Variants in AGRN observed in about 807,000 individuals in gnomAD.
The protein encoded by AGRN is agrin proteoglycan.
A neutral mutation model predicts 211.0 loss-of-function variants in AGRN; 106 were observed. The ratio of observed to expected loss-of-function variants is 0.50; its 90% confidence interval spans 0.43 to 0.59. The LOEUF (loss-of-function observed/expected upper bound fraction) is 0.59, where lower values mean the gene tolerates loss of function less well. Among genes scored for constraint, AGRN ranks in the 20% least tolerant of loss-of-function variants. The pLI, the probability that AGRN is intolerant of heterozygous loss-of-function variation, is 0.00. For synonymous variants in AGRN, 1,525 were observed against 1,332.5 expected (o/e 1.14, Z -3.15); for missense variants, 3,040 against 2,982.6 (o/e 1.02, Z -0.45).
At position 1,035,456 on chromosome 1, in the gene AGRN, G is replaced by A. The variant is rs112116228; in HGVS notation, c.511+132G>A. On this transcript the variant is annotated intron_variant, in intron 3 of 35. Coordinates refer to ENST00000379370, the MANE Select transcript of AGRN (RefSeq NM_198576.4). ...GAGGAGGCTGGACAAGGGCACCTGC[G>A]TCTGTCCTGGGAGTCCGCAGCGGTG... 0.01 allele frequency: 12,892 copies of A among 1,262,540 alleles called. 765 individuals carry two copies. In the African/African-American group the frequency reaches 0.15, roughly 15 times the overall value. The allele number at this position is 1,262,540 out of a possible 1,614,324, so 78.2% of individuals were successfully genotyped here.
At chr1:1,037,114 G>C (rs1469594201) in intron 3 of AGRN, among the ~76,000 whole-genome samples, 1 of 152,186 alleles carries the variant, frequency 6.6e-6, no homozygotes, top group African/African-American at 2.4e-5. Context: ...AGTGGGCTGG[G>C]TCCTGGGGAG....
chr1:1,039,413 G>GGGT (rs1288736626), intron 3 of AGRN, among the ~76,000 whole-genome samples: 3 of 151,710 alleles, frequency 2.0e-5, no homozygotes, highest in Non-Finnish European at 4.4e-5. Context: ...CTTGGAGATG[G>GGGT]GGGGGGTTCC....
chr1:1,041,071 G>A (rs1284811663), intron 4 of AGRN, 102 bp from the exon 5 acceptor site: 2 of 691,874 alleles, frequency 2.9e-6, no homozygotes, highest in Admixed American at 5.4e-5. Flanking sequence ...GCCCGGCGGG[G>A]AGGAGCGGGG....
chr1:1,035,177 G>A (rs897156502), intron 2 of AGRN, 100 bp from the exon 3 acceptor site: 16 of 1,238,122 alleles, frequency 1.3e-5, no homozygotes, highest in Middle Eastern at 5.3e-4. Flanking sequence ...GGTGGGGGGG[G>A]GGGGGTGGGC....
chr1:1,020,399 C>T (rs755191677), intron 1 of AGRN, 26 bp downstream of exon 1: 1 of 1,486,980 alleles, frequency 6.7e-7, no homozygotes, highest in South Asian at 1.3e-5. Flanking sequence ...CCCCGGCCTC[C>T]CCTCGCGACG....
Position 1,043,808 on chromosome 1 carries a change from C to A in AGRN, c.1799-15C>A. On this transcript the variant is annotated splice_polypyrimidine_tract_variant and intron_variant, in intron 9 of 35. Coordinates refer to ENST00000379370, the MANE Select transcript of AGRN (RefSeq NM_198576.4). Reference sequence around the variant, plus strand: ...CCTGGGCCTGCCGACCCCTGCCTGGCTCTGTCTCCTGCAGAGACCTGTGGA... The same window carrying A: ...CCTGGGCCTGCCGACCCCTGCCTGGATCTGTCTCCTGCAGAGACCTGTGGA... 1 of 1,609,936 alleles carries A rather than the reference C, an allele frequency of 6.2e-7. No individual in the cohort carries two copies.
rs141814599 is a variant in AGRN, at chr1:1,027,225, C to T, written c.463+4763C>T. 7.9e-5 allele frequency among the ~76,000 whole-genome samples: 12 copies of T among 152,312 alleles called. No individual in the cohort carries two copies. In the East Asian group the frequency reaches 2.1e-3, roughly 27 times the overall value. ...CGGCTGTTTCCAGCTGTGTGGCCTGCGTGTGTGCATGTGTTTGTGTGTGTG... is the reference window on the plus strand; with the variant it reads ...CGGCTGTTTCCAGCTGTGTGGCCTGTGTGTGTGCATGTGTTTGTGTGTGTG... On this transcript the variant is annotated intron_variant, in intron 2 of 35. Transcript: ENST00000379370.
intron 30 of AGRN, 58 bp downstream of exon 30, chr1:1,050,895 G>C (rs907447479): frequency 8.4e-5 from 127 of 1,519,590 alleles, no homozygotes; most frequent in Non-Finnish European, 1.1e-4. Flanking sequence ...CTCCTCGGGC[G>C]GCAGCCCCGC....
At position 1,045,393 on chromosome 1, in the gene AGRN, C is replaced by G. The variant is rs75774767; in HGVS notation, c.2406C>G (p.Gly802=). The stretch of plus-strand genomic sequence containing the variant: ...AGTGCAACCCCCATGGCTCTTACGG[C>G]GGCACCTGTGACCCAGCCACAGGCC... The part of the protein sequence containing the change: ...ACQCNPHGSY[G]GTCDPATGQC... Residue 802 remains glycine, a synonymous_variant, in exon 14 of 36, where the codon GGC becomes GGG. Transcript: ENST00000379370. 6.2e-7 allele frequency: 1 copy of G among 1,610,942 alleles called. No homozygotes were observed. The highest frequency in any genetic ancestry group is 1.7e-5 in the Admixed American group (1 of 60,006).
intron 2 of AGRN, among the ~76,000 whole-genome samples, chr1:1,030,432 C>G (rs1644638693): frequency 2.1e-5 from 1 of 47,846 alleles, no homozygotes. Context: ...TGTGTGTGTG[C>G]AGTGCATGGT....
intron 2 of AGRN, among the ~76,000 whole-genome samples, chr1:1,028,320 G>GCACCCCCCCCCCCCCCCC (rs779617012): frequency 9.5e-6 from 1 of 105,092 alleles, no homozygotes; most frequent in Non-Finnish European, 1.9e-5. Context: ...GTGGGGAAAC[G>GCACCCCCCCCCCCCCCCC]CCCCCCCCCC....
In AGRN at chr1:1,050,292, G is replaced by C. The variant is rs1404128392; in HGVS notation, c.4939G>C (p.Glu1647Gln). The change falls in exon 28 of 36, where the codon GAG becomes CAG. Residue 1647 changes from glutamate (E) to glutamine (Q), a missense_variant. Around this residue, in one of 3 missense-constraint regions of AGRN, gnomAD observed 1,537 missense variants for 1,505.0 expected, o/e 1.02. Coordinates refer to ENST00000379370, the MANE Select transcript of AGRN (RefSeq NM_198576.4). ...LADFNGFSHL[E>Q]LRGLHTFARD... is the part of the protein sequence containing the mutation. Reference sequence around the variant, plus strand: ...TGACTTCAACGGCTTCTCCCACCTGGAGCTGAGAGGCCTGCACACCTTTGC... The same window carrying C: ...TGACTTCAACGGCTTCTCCCACCTGCAGCTGAGAGGCCTGCACACCTTTGC... The C allele has an allele frequency of 2.5e-6, 4 of 1,613,022 alleles. No homozygotes were observed.
Position 1,046,687 on chromosome 1 carries a change from G to A in AGRN, c.3202G>A (p.Asp1068Asn), listed in dbSNP as rs1184005927. The A allele has an allele frequency of 5.7e-6, 9 of 1,586,450 alleles. No individual in the cohort carries two copies. The highest frequency in any genetic ancestry group is 1.3e-5 in the African/African-American group (1 of 74,758). ...GESGSTDGSSDEELSGDQEAS... is the reference protein window; with the variant it reads ...GESGSTDGSSNEELSGDQEAS... Reference sequence around the variant, plus strand: ...ATCTGGCAGCACTGATGGAAGCAGCGATGAGGAACTGAGCGGGGACCAGGA... The same window carrying A: ...ATCTGGCAGCACTGATGGAAGCAGCAATGAGGAACTGAGCGGGGACCAGGA... The change falls in exon 18 of 36, where the codon GAT becomes AAT. Residue 1068 changes from aspartate to asparagine, a missense_variant. Asp to Asn is a conservative substitution (Grantham distance 23, BLOSUM62 1). Around this residue, in one of 3 missense-constraint regions of AGRN, gnomAD observed 1,537 missense variants for 1,505.0 expected, o/e 1.02. Transcript: ENST00000379370.
chr1:1,049,557 T>C lies in AGRN; in HGVS notation c.4515-9T>C. 6.3e-7 allele frequency: 1 copy of C among 1,590,012 alleles called. No homozygotes were observed. Among genetic ancestry groups the C allele is most frequent in the Non-Finnish European group, 8.6e-7 (1 of 1,169,494 alleles). On this transcript the variant is annotated splice_polypyrimidine_tract_variant and intron_variant, in intron 25 of 35. Coordinates refer to ENST00000379370, the MANE Select transcript of AGRN (RefSeq NM_198576.4). ...CTGAGCCCTGACCCGGTGTCCCTCC[T>C]GGTGGCAGGGCGCTGGAGCGGACCT...
At chr1:1,023,378 TAAGG>T (rs1484842650) in intron 2 of AGRN, among the ~76,000 whole-genome samples, 1 of 152,028 alleles carries the variant, frequency 6.6e-6, no homozygotes, top group Non-Finnish European at 1.5e-5. Flanking sequence ...GCACCCAAAA[TAAGG>T]AACGCTGCGG....
At chr1:1,054,604 G>T in intron 35 of AGRN, 53 bp downstream of exon 35, 2 of 1,544,518 alleles carry the variant, frequency 1.3e-6, no homozygotes, top group East Asian at 2.4e-5. Context: ...CATGATATCC[G>T]AGGGACAGAC....
rs200385841 is a variant in AGRN, at chr1:1,046,155, C to A, written c.2806-5C>A. 6.2e-7 allele frequency: 1 copy of A among 1,613,914 alleles called. No individual in the cohort carries two copies. Among genetic ancestry groups the A allele is most frequent in the South Asian group, 1.1e-5 (1 of 91,092 alleles). ...CGCCTTGAACATCCTTGTTCTCTGCCCCAGGTCTGTGGGTCAGATGGAGTC... is the reference window on the plus strand; with the variant it reads ...CGCCTTGAACATCCTTGTTCTCTGCACCAGGTCTGTGGGTCAGATGGAGTC... On this transcript the variant is annotated splice_polypyrimidine_tract_variant and splice_region_variant and intron_variant, in intron 16 of 35. Coordinates refer to ENST00000379370, the MANE Select transcript of AGRN (RefSeq NM_198576.4).
Position 1,020,289 on chromosome 1 carries a change from C to A in AGRN, c.117C>A (p.Arg39=), listed in dbSNP as rs1359771205. Residue 39 remains arginine (R), a synonymous_variant, in exon 1 of 36, where the codon CGC becomes CGA. Transcript: ENST00000379370. ...GCCCGGAGCGCGCGCTGGAGCGGCGCGAGGAGGAGGCGAACGTGGTGCTCA... is the reference window on the plus strand; with the variant it reads ...GCCCGGAGCGCGCGCTGGAGCGGCGAGAGGAGGAGGCGAACGTGGTGCTCA... The part of the protein sequence containing the change: ...GTCPERALER[R]EEEANVVLTG... 4 of 1,474,236 alleles carry A rather than the reference C, an allele frequency of 2.7e-6. No individual in the cohort carries two copies. The highest frequency in any genetic ancestry group is 3.6e-6 in the Non-Finnish European group (4 of 1,112,378). 91.3% of individuals were successfully genotyped at this position (1,474,236 alleles called of 1,614,324 possible).
At position 1,032,406 on chromosome 1, in the gene AGRN, T is replaced by G. The variant is rs973858395; in HGVS notation, c.464-2871T>G. Among the ~76,000 whole-genome samples the G allele has an allele frequency of 2.0e-5, 3 of 151,962 alleles. No individual in the cohort carries two copies. The highest frequency in any genetic ancestry group is 4.4e-5 in the Non-Finnish European group (3 of 67,946). On this transcript the variant is annotated intron_variant, in intron 2 of 35. Transcript: ENST00000379370. The surrounding 1 kb of genome is among the most constrained non-coding windows in gnomAD (Gnocchi z 4.7). ...GGTTGGTGGGATTTGGCTGGGGCCC[T>G]TGGAGGAGCCTGACCAGGAGGTGAG...
Sources: gnomAD v4.1 joint callset for allele counts (sites outside exome capture counted in the v4.1 genomes callset) on GRCh38, gnomAD v4.1.1 for gene constraint, gnomAD v4.1.1 regional missense constraint, Gnocchi (gnomAD v3.1) non-coding constraint, MANE v1.5 for transcripts, NCBI Gene and HGNC (gene_info 2026-07-23, HGNC 2026-07-21) for gene names.